Variants in SYNPO observed in about 807,000 individuals in gnomAD.
The protein encoded by SYNPO is synaptopodin.
In SYNPO, 19 loss-of-function variants were observed where a neutral mutation model predicts 49.5. The ratio of observed to expected loss-of-function variants is 0.38; its 90% CI spans 0.27 to 0.56. The LOEUF (loss-of-function observed/expected upper bound fraction) is 0.56. Ranked by LOEUF, SYNPO falls within the 20% of genes least tolerant of loss-of-function variation. The probability of loss-of-function intolerance (pLI) is 0.68; values close to 1 mark genes in which losing one functional copy is unlikely to be tolerated. For synonymous variants in SYNPO, 536 were observed against 548.0 expected, an observed-to-expected ratio of 0.98 and a Z score of 0.31; for missense variants, 1,131 against 1,248.3, an observed-to-expected ratio of 0.91 and a Z score of 1.42.
At position 150,648,356 on chromosome 5, in the gene SYNPO, G is replaced by A. The variant is rs755256041; in HGVS notation, c.81G>A (p.Val27=). The stretch of plus-strand genomic sequence containing the variant: ...GTGAGGAGGAAGAGGTACCACTGGT[G>A]GTTTATCTAAAGGAGAATGCAGCAC... ...VASEEEEVPL[V]VYLKENAALL... The change falls in exon 2 of 3, where the codon GTG becomes GTA. Residue 27 remains valine (V), a synonymous_variant. Transcript: ENST00000307662. The surrounding 1 kb of genome is among the most constrained non-coding windows in gnomAD (Gnocchi z 5.0). 1.9e-6 allele frequency: 3 copies of A among 1,614,186 alleles called. No individual in the cohort carries two copies. Among genetic ancestry groups the A allele is most frequent in the Non-Finnish European group, 2.5e-6 (3 of 1,180,030 alleles).
intron 2 of SYNPO, chr5:150,651,353 G>A: frequency 1.0e-6 from 1 of 1,000,396 alleles, no homozygotes; most frequent in Non-Finnish European, 1.2e-6. Context: ...ATTCTCTTTG[G>A]GCCTCAGTTT....
Position 150,648,084 on chromosome 5 carries a change from G to A in SYNPO, c.-192G>A. ...GCTCTTCAACAGGCGCCGGCAGAGG[G>A]TGAACGAGTTCACCTTGGAGAGCCA... On this transcript the variant is annotated 5_prime_UTR_variant, in exon 2 of 3. The change creates a new upstream start codon in the 5' untranslated region. Transcript: ENST00000307662. This position sits in a 1 kb window ranked among gnomAD's most constrained non-coding sequence, Gnocchi z 5.0. 2 of 1,551,782 alleles carry A rather than the reference G, an allele frequency of 1.3e-6. No individual in the cohort carries two copies. Among genetic ancestry groups the A allele is most frequent in the Non-Finnish European group, 1.7e-6 (2 of 1,147,010 alleles).
chr5:150,603,454 C>T (rs1756606573), intron 1 of SYNPO, among the ~76,000 whole-genome samples: 1 of 152,250 alleles, frequency 6.6e-6, no homozygotes, highest in Non-Finnish European at 1.5e-5. Context: ...TACTCCCTCA[C>T]CCTCCTCCCT....
intron 1 of SYNPO, chr5:150,608,329 G>A (rs969619708): frequency 3.3e-5 from 5 of 152,202 alleles, no homozygotes; most frequent in African/African-American, 4.8e-5. Flanking sequence ...TTCTAGGAGA[G>A]GAAGAGAGGC....
chr5:150,650,055 A>C lies in SYNPO; in HGVS notation c.1780A>C (p.Ser594Arg), dbSNP rs1758304195. The C allele has an allele frequency of 1.2e-6, 2 of 1,613,026 alleles. No individual in the cohort carries two copies. ...AAGAGCTGCCTCGCCCGCCAAGCCC[A>C]GCTCCTTGGACCTGGTGCCCAACCT... ...SPRAASPAKPSSLDLVPNLPK... is the reference protein window; with the variant it reads ...SPRAASPAKPRSLDLVPNLPK... Residue 594 changes from serine to arginine, a missense_variant, in exon 2 of 3, where the codon AGC (serine) becomes CGC (arginine). Ser to Arg is a moderately radical substitution (Grantham distance 110). Coordinates refer to ENST00000307662, the MANE Select transcript of SYNPO (RefSeq NM_007286.6).
At chr5:150,651,368 A>C (rs1025247218) in intron 2 of SYNPO, 1 of 1,000,290 alleles carries the variant, frequency 1.0e-6, no homozygotes, top group Non-Finnish European at 1.2e-6. Context: ...CAGTTTTATC[A>C]TTTATACAAG....
Position 150,656,770 on chromosome 5 carries a change from C to T in SYNPO, c.2395C>T (p.Pro799Ser), listed in dbSNP as rs1758578943. The T allele has an allele frequency of 1.2e-5, 15 of 1,237,630 alleles. No homozygotes were observed. The South Asian group carries it at 1.7e-4, about 14-fold the overall frequency. The allele number at this position is 1,237,630 out of a possible 1,614,324, so 76.7% of individuals were successfully genotyped here. ...PPPPPPPPPPPPRMRSPQPAR... is the reference protein window; with the variant it reads ...PPPPPPPPPPSPRMRSPQPAR... ...GCCCCCGCCCCCGCCCCCGCCCCCGCCCCCGCGCATGCGCTCGCCACAGCC... is the reference window on the plus strand; with the variant it reads ...GCCCCCGCCCCCGCCCCCGCCCCCGTCCCCGCGCATGCGCTCGCCACAGCC... The change falls in exon 3 of 3, where the codon CCC becomes TCC. Residue 799 changes from proline (P) to serine (S), a missense_variant. This residue lies in a region of SYNPO where 509 missense variants were observed against 484.5 expected (regional missense o/e 1.05). Coordinates refer to ENST00000307662, the MANE Select transcript of SYNPO (RefSeq NM_007286.6).
chr5:150,587,034 G>A, the SYNPO span, among the ~76,000 whole-genome samples: 1 of 152,198 alleles, frequency 6.6e-6, no homozygotes, highest in South Asian at 2.1e-4. Flanking sequence ...ATGGATATGT[G>A]GATGCATATA....
chr5:150,647,948 G>A lies in SYNPO; in HGVS notation c.-328G>A. Reference sequence around the variant, plus strand: ...GGCTTTTGTCCCTCCCTGTAGCGTTGGGCCGGAGCACTAGCCTCACGGAGA... The same window carrying A: ...GGCTTTTGTCCCTCCCTGTAGCGTTAGGCCGGAGCACTAGCCTCACGGAGA... On this transcript the variant is annotated 5_prime_UTR_variant, in exon 2 of 3. Transcript: ENST00000307662. 1 of 1,551,194 alleles carries A rather than the reference G, an allele frequency of 6.4e-7. No homozygotes were observed. The highest frequency in any genetic ancestry group is 1.2e-5 in the South Asian group (1 of 84,048).
upstream of SYNPO, among the ~76,000 whole-genome samples, chr5:150,596,479 T>C (rs369227861): frequency 7.2e-5 from 11 of 152,172 alleles, no homozygotes; most frequent in East Asian, 1.2e-3. Context: ...ACTTGGCGAG[T>C]TGACGGACGG....
At position 150,649,182 on chromosome 5, in the gene SYNPO, C is replaced by T; in HGVS notation, c.907C>T (p.Arg303Ter). 1 of 1,614,108 alleles carries T rather than the reference C, an allele frequency of 6.2e-7. No individual in the cohort carries two copies. The highest frequency in any genetic ancestry group is 8.5e-7 in the Non-Finnish European group (1 of 1,180,008). The change falls in exon 2 of 3, where the codon CGA becomes TGA. Residue 303 changes from arginine (R) to a stop codon, truncating the protein, a stop_gained. Transcript: ENST00000307662. LOFTEE classifies it high-confidence loss of function. ...GGTGGAAAGGAGGATGATGGGGCAG[C>T]GAAGCCCGGCCTCAGAGAGACGCCC... ...PMVERRMMGQRSPASERRPLG... is the reference protein window; with the variant it reads ...PMVERRMMGQ
At chr5:150,600,945 A>G (rs1436460707), upstream of SYNPO, 2 of 152,226 alleles carry the variant, frequency 1.3e-5, no homozygotes, top group East Asian at 3.9e-4. Context: ...TTCAGTATGT[A>G]TGAAATATCC....
intron 1 of SYNPO, among the ~76,000 whole-genome samples, chr5:150,603,041 T>G (rs936883710): frequency 8.9e-5 from 13 of 146,068 alleles, no homozygotes; most frequent in Non-Finnish European, 2.0e-4. Flanking sequence ...TGTGTGTGTG[T>G]GGTGTATGCT....
At chr5:150,634,793 G>A (rs561419981) in intron 2 of SYNPO, among the ~76,000 whole-genome samples, 1 of 151,180 alleles carries the variant, frequency 6.6e-6, no homozygotes, top group African/African-American at 2.4e-5. Flanking sequence ...ACTCCAGCCT[G>A]CCAGCCTGGG....
intron 2 of SYNPO, among the ~76,000 whole-genome samples, chr5:150,622,581 C>T (rs1309766118): frequency 6.6e-6 from 1 of 152,202 alleles, no homozygotes; most frequent in Non-Finnish European, 1.5e-5. Flanking sequence ...TTCTGAGCCT[C>T]TGGGGTGGGG....
intron 1 of SYNPO, among the ~76,000 whole-genome samples, chr5:150,644,877 A>G (rs1049435480): frequency 6.6e-6 from 1 of 152,140 alleles, no homozygotes; most frequent in South Asian, 2.1e-4. Context: ...AGGCAGGAGA[A>G]GAGTCCTACT....
chr5:150,647,008 C>T (rs571789600), intron 1 of SYNPO, among the ~76,000 whole-genome samples: 65 of 151,934 alleles, frequency 4.3e-4, no homozygotes, highest in Non-Finnish European at 7.8e-4. Context: ...TTTGGGAGGC[C>T]GAGGCGGGTG....
upstream of SYNPO, among the ~76,000 whole-genome samples, chr5:150,596,867 T>G (rs978179293): frequency 6.6e-6 from 1 of 152,174 alleles, no homozygotes; most frequent in African/African-American, 2.4e-5. Context: ...AGTGTATGCA[T>G]TTCACACCCA....
In SYNPO at chr5:150,650,254, A is replaced by G; in HGVS notation, c.1979A>G (p.Gln660Arg). 6.2e-7 allele frequency: 1 copy of G among 1,614,038 alleles called. No individual in the cohort carries two copies. Among genetic ancestry groups the G allele is most frequent in the Non-Finnish European group, 8.5e-7 (1 of 1,180,020 alleles). Residue 660 changes from glutamine (Q) to arginine (R), a missense_variant, in exon 2 of 3, where the codon CAG becomes CGG. Physicochemically the swap from Gln to Arg is conservative, Grantham distance 43 (BLOSUM62 1). Coordinates refer to ENST00000307662, the MANE Select transcript of SYNPO (RefSeq NM_007286.6). ...PSRAWSPRAKQAPRPSFSTRN... is the reference protein window; with the variant it reads ...PSRAWSPRAKRAPRPSFSTRN... The stretch of plus-strand genomic sequence containing the variant: ...AGGGCGTGGTCTCCCCGAGCCAAGC[A>G]GGCCCCCAGGCCCTCCTTCTCTACC...
Sources: allele counts gnomAD v4.1 joint callset (sites outside exome capture counted in the v4.1 genomes callset), GRCh38; gene constraint gnomAD v4.1.1; regional missense constraint gnomAD v4.1.1; non-coding constraint Gnocchi (gnomAD v3.1); transcripts MANE v1.5; gene names NCBI Gene and HGNC (gene_info 2026-07-23, HGNC 2026-07-21).